The following TEAD1 variants were observed in gnomAD, a reference collection of about 807,000 sequenced individuals.
TEAD1 encodes the protein transcriptional enhancer factor TEF-1.
A neutral mutation model predicts 54.9 loss-of-function variants in TEAD1; 9 were observed. That is an observed-to-expected ratio of 0.16 (90% CI 0.10 to 0.29). TEAD1 has a LOEUF of 0.29. Among genes scored for constraint, TEAD1 ranks in the 10% least tolerant of loss-of-function variants. TEAD1 has a pLI of 1.00. For missense variants in TEAD1, 387 were observed against 535.9 expected, an observed-to-expected ratio of 0.72 and a Z score of 2.74; for synonymous variants, 200 against 187.8, an observed-to-expected ratio of 1.07 and a Z score of -0.53.
intron 2 of TEAD1, among the ~76,000 whole-genome samples, chr11:12,680,234 C>G (rs1943188533): frequency 6.6e-6 from 1 of 152,186 alleles, no homozygotes; most frequent in South Asian, 2.1e-4. Context: ...TTTTCTTTGA[C>G]TTTAATAGCT....
chr11:12,788,139 CTT>C (rs541990107), intron 3 of TEAD1, among the ~76,000 whole-genome samples: 39 of 129,156 alleles, frequency 3.0e-4, no homozygotes, highest in Admixed American at 2.3e-4. Context: ...CTAATTTTGT[CTT>C]TTTTTTTTTT....
At chr11:12,687,737 G>A (rs1215948694) in intron 2 of TEAD1, among the ~76,000 whole-genome samples, 1 of 152,130 alleles carries the variant, frequency 6.6e-6, no homozygotes, top group East Asian at 1.9e-4. Context: ...GAAAAGTTGG[G>A]TGTGTCTCAG....
intron 3 of TEAD1, among the ~76,000 whole-genome samples, chr11:12,774,432 A>G (rs889228734): frequency 4.6e-5 from 7 of 152,186 alleles, no homozygotes; most frequent in Admixed American, 2.6e-4. Context: ...GGCCCCATGG[A>G]TATGCATGGA....
chr11:12,721,706 A>C (rs1171760910), intron 2 of TEAD1, among the ~76,000 whole-genome samples: 1 of 152,212 alleles, frequency 6.6e-6, no homozygotes, highest in Non-Finnish European at 1.5e-5. Context: ...AGAAAAAAAA[A>C]GTCTGGAAAA....
intron 5 of TEAD1, among the ~76,000 whole-genome samples, chr11:12,875,003 C>T (rs572057103): frequency 3.3e-5 from 5 of 152,312 alleles, no homozygotes; most frequent in African/African-American, 9.6e-5. Flanking sequence ...CATATGCACA[C>T]GCACGCACAC....
At chr11:12,696,341 T>C (rs1943582780) in intron 2 of TEAD1, among the ~76,000 whole-genome samples, 4 of 152,244 alleles carry the variant, frequency 2.6e-5, no homozygotes, top group African/African-American at 9.6e-5. Context: ...CTGCCTCTTT[T>C]GGGATTGAGA....
At chr11:12,823,025 GTTTTTTTGTTTT>G (rs1564952590) in intron 3 of TEAD1, among the ~76,000 whole-genome samples, 1 of 152,070 alleles carries the variant, frequency 6.6e-6, no homozygotes, top group East Asian at 1.9e-4. Flanking sequence ...ATTTGGTTTT[GTTTTTTTGTTTT>G]TTACATATGT....
At chr11:12,801,607 A>G (rs905174645) in intron 3 of TEAD1, among the ~76,000 whole-genome samples, 1 of 152,234 alleles carries the variant, frequency 6.6e-6, no homozygotes, top group South Asian at 2.1e-4. Context: ...AGATAGTGCA[A>G]TACTAAGTTG....
chr11:12,827,679 G>A (rs1946684393), intron 3 of TEAD1, among the ~76,000 whole-genome samples: 1 of 152,130 alleles, frequency 6.6e-6, no homozygotes, highest in Non-Finnish European at 1.5e-5. Flanking sequence ...TTTTTCAGTG[G>A]GTTTTTGTCC....
chr11:12,798,975 C>G (rs530348725), intron 3 of TEAD1, among the ~76,000 whole-genome samples: 2 of 152,322 alleles, frequency 1.3e-5, no homozygotes, highest in South Asian at 2.1e-4. Flanking sequence ...GGCATTCTGC[C>G]TGCTGGCACC....
chr11:12,923,586 T>C (rs1321520075), intron 10 of TEAD1, among the ~76,000 whole-genome samples: 8 of 152,218 alleles, frequency 5.3e-5, no homozygotes, highest in African/African-American at 1.4e-4. Flanking sequence ...AGGCAGCTAT[T>C]ACTCTGTGGC....
intron 3 of TEAD1, among the ~76,000 whole-genome samples, chr11:12,806,707 G>A (rs1326440224): frequency 6.6e-6 from 1 of 152,222 alleles, no homozygotes; most frequent in Non-Finnish European, 1.5e-5. Context: ...AAGTAGTTGG[G>A]TTGGCCTAAG....
chr11:12,726,271 G>A (rs553636150), intron 2 of TEAD1, among the ~76,000 whole-genome samples: 1 of 152,174 alleles, frequency 6.6e-6, no homozygotes, highest in Non-Finnish European at 1.5e-5. Context: ...GGATGTTGCT[G>A]AATGTCATTC....
intron 11 of TEAD1, among the ~76,000 whole-genome samples, chr11:12,926,447 A>G (rs1397753975): frequency 5.3e-5 from 8 of 152,174 alleles, no homozygotes; most frequent in African/African-American, 1.4e-4. Context: ...GAACTTAGAA[A>G]CTAACTGGAT....
chr11:12,835,951 A>T (rs979374412), intron 3 of TEAD1, among the ~76,000 whole-genome samples: 3 of 152,182 alleles, frequency 2.0e-5, no homozygotes, highest in Non-Finnish European at 1.5e-5. Flanking sequence ...AATGTGGCGT[A>T]TATTTCAAAA....
intron 3 of TEAD1, among the ~76,000 whole-genome samples, chr11:12,812,524 C>T (rs1946324037): frequency 1.3e-5 from 2 of 152,132 alleles, no homozygotes; most frequent in Admixed American, 6.5e-5. Context: ...GGTAGAGGGA[C>T]AGATTCACAT....
At chr11:12,909,937 G>A (rs1159658816) in intron 10 of TEAD1, among the ~76,000 whole-genome samples, 1 of 152,166 alleles carries the variant, frequency 6.6e-6, no homozygotes, top group African/African-American at 2.4e-5. Context: ...TACTTGTACT[G>A]GCAGCTAGTC....
chr11:12,709,409 T>C (rs918959456), intron 2 of TEAD1, among the ~76,000 whole-genome samples: 2 of 152,162 alleles, frequency 1.3e-5, no homozygotes, highest in Admixed American at 1.3e-4. Context: ...TTTTTTGAAT[T>C]TTAATTTTTT....
chr11:12,858,440 G>A (rs542281407), intron 3 of TEAD1, among the ~76,000 whole-genome samples: 20 of 152,246 alleles, frequency 1.3e-4, no homozygotes, highest in Middle Eastern at 3.4e-3. Flanking sequence ...AAATTAAAAT[G>A]TACAATGAAG....
Sources: gnomAD v4.1 joint callset for allele counts (sites outside exome capture counted in the v4.1 genomes callset) on GRCh38, gnomAD v4.1.1 for gene constraint, MANE v1.5 for transcripts, NCBI Gene and HGNC (gene_info 2026-07-23, HGNC 2026-07-21) for gene names.